The following POFUT3 variants were observed in gnomAD, a reference collection of about 807,000 sequenced individuals.
POFUT3 encodes the protein protein O-fucosyltransferase 3, also known as GDP-fucose protein O-fucosyltransferase 3.
At chr8:33,335,477 G>T in the POFUT3 span, among the ~76,000 whole-genome samples, 1 of 152,180 alleles carries the variant, frequency 6.6e-6, no homozygotes, top group Non-Finnish European at 1.5e-5. Flanking sequence ...TAAGGCAACA[G>T]TGAAACAACA....
chr8:33,464,227 A>C, the POFUT3 span, among the ~76,000 whole-genome samples: 1 of 152,214 alleles, frequency 6.6e-6, no homozygotes, highest in Admixed American at 6.6e-5. Flanking sequence ...AAGCATATAA[A>C]ATAGATTGCT....
At chr8:33,375,026 G>A in the POFUT3 span, among the ~76,000 whole-genome samples, 3 of 151,760 alleles carry the variant, frequency 2.0e-5, no homozygotes, top group East Asian at 3.9e-4. Context: ...GATTACAGGT[G>A]CCTGCCACTA....
At chr8:33,351,115 C>A in the POFUT3 span, among the ~76,000 whole-genome samples, 1 of 152,044 alleles carries the variant, frequency 6.6e-6, no homozygotes. Flanking sequence ...CCGCCACACC[C>A]GGCTAGTTTT....
At chr8:33,381,923 G>A in the POFUT3 span, among the ~76,000 whole-genome samples, 8 of 152,060 alleles carry the variant, frequency 5.3e-5, no homozygotes, top group Admixed American at 3.3e-4. Context: ...GTCTTTTCTT[G>A]CTTACCATTA....
chr8:33,318,147 T>A, the POFUT3 span, among the ~76,000 whole-genome samples: 2 of 152,022 alleles, frequency 1.3e-5, no homozygotes, highest in African/African-American at 4.8e-5. Flanking sequence ...CGTCTCTGTA[T>A]CTGAGTCCAC....
the POFUT3 span, among the ~76,000 whole-genome samples, chr8:33,444,933 C>CT: frequency 0.041 from 4,935 of 121,466 alleles, 249 homozygotes; most frequent in African/African-American, 0.076. Context: ...TGACCTTCAT[C>CT]TTTTTTTTTT....
At chr8:33,341,178 G>T in the POFUT3 span, among the ~76,000 whole-genome samples, 1 of 152,230 alleles carries the variant, frequency 6.6e-6, no homozygotes, top group East Asian at 1.9e-4. Context: ...GCTCACACCT[G>T]TAATCCCAGC....
the POFUT3 span, among the ~76,000 whole-genome samples, chr8:33,342,965 G>C: frequency 3.9e-5 from 6 of 151,956 alleles, no homozygotes; most frequent in Non-Finnish European, 8.8e-5. Context: ...ATATTAGCCG[G>C]GTGTGGTGTC....
chr8:33,380,148 CACTATATATATATACTATATATATAT>C, the POFUT3 span, among the ~76,000 whole-genome samples: 201 of 36,462 alleles, frequency 5.5e-3, 1 homozygote, highest in African/African-American at 0.015. Flanking sequence ...TATATATATA[CACTATATATATATACTATATATATAT>C]ACTATATATA....
chr8:33,453,283 A>T, the POFUT3 span: 1 of 1,614,218 alleles, frequency 6.2e-7, no homozygotes, highest in Non-Finnish European at 8.5e-7. Flanking sequence ...AGAAACAAGC[A>T]TCTGCTCCAC....
the POFUT3 span, among the ~76,000 whole-genome samples, chr8:33,341,444 A>G: frequency 6.6e-6 from 1 of 151,656 alleles, no homozygotes; most frequent in East Asian, 1.9e-4. Flanking sequence ...CAAAAAAAAA[A>G]AAAAAAAGAA....
At chr8:33,443,863 T>C in the POFUT3 span, among the ~76,000 whole-genome samples, 1 of 151,914 alleles carries the variant, frequency 6.6e-6, no homozygotes, top group African/African-American at 2.4e-5. Flanking sequence ...TGGGGACTCA[T>C]GCCTGTAATC....
the POFUT3 span, among the ~76,000 whole-genome samples, chr8:33,334,653 G>C: frequency 6.6e-6 from 1 of 152,226 alleles, no homozygotes; most frequent in Non-Finnish European, 1.5e-5. Flanking sequence ...GTAATATACA[G>C]TTCTAGAGCT....
the POFUT3 span, among the ~76,000 whole-genome samples, chr8:33,443,902 A>G: frequency 1.3e-5 from 2 of 151,752 alleles, no homozygotes; most frequent in Non-Finnish European, 2.9e-5. Context: ...GAGGCAGGAG[A>G]AGCACTTCAG....
At chr8:33,465,389 CAT>C in the POFUT3 span, among the ~76,000 whole-genome samples, 17 of 145,398 alleles carry the variant, frequency 1.2e-4, no homozygotes, top group South Asian at 4.3e-4. Context: ...TGCCCAAGAT[CAT>C]ATATATATAT....
the POFUT3 span, among the ~76,000 whole-genome samples, chr8:33,373,336 A>G: frequency 6.6e-6 from 1 of 152,196 alleles, no homozygotes; most frequent in Non-Finnish European, 1.5e-5. Context: ...CTGTTTTTAC[A>G]TCTATCTATG....
the POFUT3 span, among the ~76,000 whole-genome samples, chr8:33,408,569 G>T: frequency 6.6e-6 from 1 of 152,108 alleles, no homozygotes; most frequent in Non-Finnish European, 1.5e-5. Context: ...ATGCAATGAT[G>T]CTCAGCCTGG....
At chr8:33,389,695 A>G in the POFUT3 span, 2 of 1,614,184 alleles carry the variant, frequency 1.2e-6, no homozygotes, top group Non-Finnish European at 1.7e-6. Flanking sequence ...TCACTGGTTT[A>G]TGAAAGAGCT....
the POFUT3 span, among the ~76,000 whole-genome samples, chr8:33,318,605 A>T: frequency 3.7e-4 from 35 of 95,662 alleles, no homozygotes; most frequent in Middle Eastern, 4.8e-3. Context: ...ATAATATATA[A>T]ATATATTGTA....
Sources: allele counts gnomAD v4.1 joint callset (sites outside exome capture counted in the v4.1 genomes callset), GRCh38; gene constraint gnomAD v4.1.1; transcripts MANE v1.5; gene names NCBI Gene and HGNC (gene_info 2026-07-23, HGNC 2026-07-21).